ROS1: variants seen among roughly 807,000 people sequenced by gnomAD.
ROS1 encodes the protein ROS proto-oncogene 1, receptor tyrosine kinase, also known as proto-oncogene tyrosine-protein kinase ROS.
Under a neutral mutation model 273.5 loss-of-function variants are expected in ROS1, and 263 were observed. The ratio of observed to expected loss-of-function variants is 0.96; its 90% CI spans 0.87 to 1.06. The LOEUF (loss-of-function observed/expected upper bound fraction) is 1.06. Among genes scored for constraint, ROS1 ranks in the 50% least tolerant of loss-of-function variants. ROS1 has a pLI of 0.00. For missense variants in ROS1, 2,833 were observed against 2,751.1 expected (o/e 1.03, Z -0.67); for synonymous variants, 1,008 against 954.1 (o/e 1.06, Z -1.04).
At chr6:117,404,115 G>A (rs547482409) in intron 6 of ROS1, among the ~76,000 whole-genome samples, 165 bp downstream of exon 6, 2 of 152,282 alleles carry the variant, frequency 1.3e-5, no homozygotes, top group African/African-American at 4.8e-5. Flanking sequence ...GGCGCCTGTG[G>A]GCGGCTGAGG....
intron 37 of ROS1, 70 bp from the exon 38 acceptor site, chr6:117,318,322 G>A (rs111439063): frequency 2.6e-6 from 3 of 1,135,744 alleles, no homozygotes; most frequent in South Asian, 2.5e-5. Context: ...GGTTAATGGA[G>A]ATTGTTCTGT....
At chr6:117,348,908 T>C (rs1778590064) in intron 27 of ROS1, among the ~76,000 whole-genome samples, 1 of 152,056 alleles carries the variant, frequency 6.6e-6, no homozygotes, top group Non-Finnish European at 1.5e-5. Context: ...CTTTCAGTTA[T>C]TGAGTTCTAG....
In ROS1 at chr6:117,403,258, T is replaced by C. The variant is rs752552490; in HGVS notation, c.485A>G (p.Tyr162Cys). 9.6e-5 allele frequency: 154 copies of C among 1,611,928 alleles called. No individual in the cohort carries two copies. Among genetic ancestry groups the C allele is most frequent in the Middle Eastern group, 1.7e-4 (1 of 6,018 alleles). The change falls in exon 7 of 44, where the codon TAT becomes TGT. Residue 162 changes from tyrosine (Y) to cysteine (C), a missense_variant. Coordinates refer to ENST00000368507, the MANE Select transcript of ROS1 (RefSeq NM_001378902.1). The part of the protein sequence containing the change: ...TYTKTVSRPS[Y>C]VVKPLHPFTE... ...GAAGGGGTGCAGGGGCTTGACCACA[T>C]AGGACGGTCTGGACACAGTCTAGAT...
At position 117,389,853 on chromosome 6, in the gene ROS1, C is replaced by T. The variant is rs946931449; in HGVS notation, c.1290-7G>A. On this transcript the variant is annotated splice_polypyrimidine_tract_variant and splice_region_variant and intron_variant, in intron 12 of 43. Coordinates refer to ENST00000368507, the MANE Select transcript of ROS1 (RefSeq NM_001378902.1). ...CAGGAGGTAAAAGACATACCTGACA[C>T]AGGAACAAAAGAAACCTCATGAGAT... 3.8e-6 allele frequency: 6 copies of T among 1,596,206 alleles called. No individual in the cohort carries two copies. In the Admixed American group the frequency reaches 6.8e-5, roughly 18 times the overall value.
chr6:117,375,283 T>A (rs992599319), intron 18 of ROS1, among the ~76,000 whole-genome samples: 4 of 152,072 alleles, frequency 2.6e-5, no homozygotes, highest in African/African-American at 9.7e-5. Flanking sequence ...ACTTTGGGGA[T>A]TTGGAGTAAA....
rs966772512 is a variant in ROS1 at position 117,287,617 on chromosome 6, T to C, written c.*875A>G. 6.6e-6 allele frequency among the ~76,000 whole-genome samples: 1 copy of C among 152,076 alleles called. No homozygotes were observed. The highest frequency in any genetic ancestry group is 2.4e-5 in the African/African-American group (1 of 41,404). On this transcript the variant is annotated 3_prime_UTR_variant, in exon 44 of 44. Coordinates refer to ENST00000368507, the MANE Select transcript of ROS1 (RefSeq NM_001378902.1). ...CTCAAAACTACAAAATATTTTACAG[T>C]AGTGATTAAAGACAATATATATCGG...
chr6:117,395,786 A>C (rs1335305858), intron 9 of ROS1, among the ~76,000 whole-genome samples: 1 of 152,120 alleles, frequency 6.6e-6, no homozygotes, highest in Non-Finnish European at 1.5e-5. Flanking sequence ...TTAAAAACAA[A>C]GATACTGGAA....
chr6:117,406,176 C>A (rs1774386484), intron 5 of ROS1, among the ~76,000 whole-genome samples: 1 of 152,018 alleles, frequency 6.6e-6, no homozygotes, highest in Admixed American at 6.5e-5. Context: ...TATATATACA[C>A]ACACACATAT....
chr6:117,406,502 C>T (rs1774416299), intron 5 of ROS1, among the ~76,000 whole-genome samples: 1 of 151,996 alleles, frequency 6.6e-6, no homozygotes, highest in Admixed American at 6.6e-5. Context: ...GACATTGATC[C>T]ATAGCCAATG....
At chr6:117,370,065 A>G (rs1780645722) in intron 18 of ROS1, among the ~76,000 whole-genome samples, 1 of 152,198 alleles carries the variant, frequency 6.6e-6, no homozygotes, top group South Asian at 2.1e-4. Context: ...GTATGTGTAT[A>G]AATCTATATC....
intron 27 of ROS1, among the ~76,000 whole-genome samples, chr6:117,345,507 T>C (rs1248962578): frequency 6.6e-6 from 1 of 152,216 alleles, no homozygotes; most frequent in Non-Finnish European, 1.5e-5. Context: ...ATTATCTTTG[T>C]TCCACCAGAG....
At chr6:117,354,953 TA>T (rs1358315385) in intron 26 of ROS1, among the ~76,000 whole-genome samples, 1 of 152,198 alleles carries the variant, frequency 6.6e-6, no homozygotes, top group Non-Finnish European at 1.5e-5. Flanking sequence ...GCATCCAGGA[TA>T]GAGCAATCCT....
intron 24 of ROS1, among the ~76,000 whole-genome samples, chr6:117,359,209 C>T (rs555928517): frequency 6.6e-6 from 1 of 152,294 alleles, no homozygotes; most frequent in East Asian, 1.9e-4. Context: ...ACCTAGACTA[C>T]GTGTTCATTC....
chr6:117,381,436 T>C (rs76073676), intron 17 of ROS1, among the ~76,000 whole-genome samples: 1 of 152,048 alleles, frequency 6.6e-6, no homozygotes, highest in African/African-American at 2.4e-5. Flanking sequence ...TATTACTCTG[T>C]ATGCTTTTGC....
chr6:117,383,300 A>G lies in ROS1; in HGVS notation c.2481+17T>C. On this transcript the variant is annotated intron_variant, in intron 17 of 43. Coordinates refer to ENST00000368507, the MANE Select transcript of ROS1 (RefSeq NM_001378902.1). ...CTATTCAGTATTACTAAATGATCAG[A>G]TCTTTTAATTTGTCACCTTTTTCCC... 1 of 1,593,436 alleles carries G rather than the reference A, an allele frequency of 6.3e-7. No homozygotes were observed. Among genetic ancestry groups the G allele is most frequent in the Non-Finnish European group, 8.6e-7 (1 of 1,161,660 alleles).
In ROS1 at chr6:117,311,131, A is replaced by G. The variant is rs2128550140; in HGVS notation, c.6118-14T>C. The G allele has an allele frequency of 1.3e-6, 2 of 1,513,476 alleles. No homozygotes were observed. Among genetic ancestry groups the G allele is most frequent in the Non-Finnish European group, 1.8e-6 (2 of 1,098,202 alleles). The allele number at this position is 1,513,476 out of a possible 1,614,324, so 93.8% of individuals were successfully genotyped here. On this transcript the variant is annotated splice_polypyrimidine_tract_variant and intron_variant, in intron 39 of 43. Coordinates refer to ENST00000368507, the MANE Select transcript of ROS1 (RefSeq NM_001378902.1). ...AGGACCATAAAACTGTAAGAAATGA[A>G]AGAAAAATTACAGGTAGTTATCTAG...
At chr6:117,318,000 G>A (rs1025758861) in intron 38 of ROS1, among the ~76,000 whole-genome samples, 188 bp downstream of exon 38, 1 of 152,114 alleles carries the variant, frequency 6.6e-6, no homozygotes, top group Non-Finnish European at 1.5e-5. Context: ...TCTGAGGATT[G>A]CCTGTACCCA....
chr6:117,414,583 A>C, intron 3 of ROS1, 38 bp from the exon 4 acceptor site: 1 of 724,414 alleles, frequency 1.4e-6, no homozygotes, highest in Non-Finnish European at 2.5e-6. Flanking sequence ...AAAATCTTGA[A>C]AGTTGTAAAT....
intron 18 of ROS1, among the ~76,000 whole-genome samples, chr6:117,372,545 C>T (rs954715343): frequency 6.6e-6 from 1 of 152,134 alleles, no homozygotes. Context: ...AGAGTTTGTT[C>T]CTTCTGATGT....
Sources: gnomAD v4.1 joint callset for allele counts (sites outside exome capture counted in the v4.1 genomes callset) on GRCh38, gnomAD v4.1.1 for gene constraint, MANE v1.5 for transcripts, NCBI Gene and HGNC (gene_info 2026-07-23, HGNC 2026-07-21) for gene names.